The following EP300 variants were observed in gnomAD, a reference collection of about 807,000 sequenced individuals.
EP300 encodes the protein EP300 lysine acetyltransferase, also known as histone acetyltransferase p300.
In EP300, 31 loss-of-function variants were observed where a neutral mutation model predicts 264.0. The observed-to-expected ratio is 0.12, with a 90% confidence interval of 0.09 to 0.16. The LOEUF (loss-of-function observed/expected upper bound fraction) is 0.16. Ranked by LOEUF, EP300 falls within the 10% of genes least tolerant of loss-of-function variation. The pLI, the probability that EP300 is intolerant of heterozygous loss-of-function variation, is 1.00. For synonymous variants in EP300, 1,340 were observed against 1,045.4 expected, an observed-to-expected ratio of 1.28 and a Z score of -5.44; for missense variants, 2,766 against 3,052.9, an observed-to-expected ratio of 0.91 and a Z score of 2.21.
intron 25 of EP300, 157 bp from the exon 26 acceptor site, chr22:41,169,346 C>T (rs887103214): frequency 6.6e-5 from 43 of 653,718 alleles, no homozygotes; most frequent in Middle Eastern, 8.0e-4. Flanking sequence ...GAAGGGTTCA[C>T]GGCGGAGTCG....
In EP300 at chr22:41,178,887, C is replaced by T. The variant is rs2145524554; in HGVS notation, c.7176C>T (p.Asp2392=). ...ACCTCCATGGTGCAAGCGCCACGGA[C>T]CTGGGACTCAGCACCGATAACTCAG... ...MANLHGASAT[D]LGLSTDNSDL... is the part of the protein sequence containing the mutation. The change falls in exon 31 of 31, where the codon GAC becomes GAT. Residue 2392 remains aspartate (D), a synonymous_variant. Coordinates refer to ENST00000263253, the MANE Select transcript of EP300 (RefSeq NM_001429.4). 3 of 1,614,194 alleles carry T rather than the reference C, an allele frequency of 1.9e-6. No homozygotes were observed. The highest frequency in any genetic ancestry group is 2.2e-5 in the South Asian group (2 of 91,080).
At chr22:41,140,338 A>T in intron 9 of EP300, 81 bp downstream of exon 9, 5 of 943,532 alleles carry the variant, frequency 5.3e-6, no homozygotes, top group Non-Finnish European at 8.8e-6. Flanking sequence ...ATGTACAAGT[A>T]GTACATATGC....
Position 41,092,873 on chromosome 22 carries a change from C to A in EP300, c.-132C>A. The A allele has an allele frequency of 1.0e-6, 1 of 957,974 alleles. No individual in the cohort carries two copies. The highest frequency in any genetic ancestry group is 1.7e-6 in the Non-Finnish European group (1 of 587,588). The allele number at this position is 957,974 out of a possible 1,614,324, so 59.3% of individuals were successfully genotyped here. On this transcript the variant is annotated 5_prime_UTR_variant, in exon 1 of 31. Transcript: ENST00000263253. ...GCGACCCGGCGAAGAGAAAAAGGAA[C>A]TTCCCCCACCCCCTCGGGTGCCGTC...
intron 23 of EP300, among the ~76,000 whole-genome samples, chr22:41,167,826 GTTTTTTTTT>G (rs1192332279): frequency 0.13 from 4,200 of 32,310 alleles, 317 homozygotes; most frequent in Admixed American, 0.22. Context: ...TTTTTTTTTT[GTTTTTTTTT>G]TTTTTTTTTT....
At chr22:41,157,675 G>T (rs1393775530) in intron 18 of EP300, among the ~76,000 whole-genome samples, 1 of 151,506 alleles carries the variant, frequency 6.6e-6, no homozygotes, top group Non-Finnish European at 1.5e-5. Context: ...ACGCCACCAT[G>T]CCTGGCTGAT....
Position 41,177,813 on chromosome 22 carries a change from C to T in EP300, c.6102C>T (p.Gly2034=), listed in dbSNP as rs746579436. The T allele has an allele frequency of 2.2e-5, 35 of 1,613,938 alleles. No homozygotes were observed. Among genetic ancestry groups the T allele is most frequent in the Admixed American group, 6.7e-5 (4 of 59,992 alleles). The part of the protein sequence containing the change: ...PLNMAPQPGL[G]QVGISPLKPG... ...ACATGGCTCCACAACCAGGATTGGG[C>T]CAGGTAGGTATCAGCCCACTCAAAC... The change falls in exon 31 of 31, where the codon GGC becomes GGT. Residue 2034 remains glycine, a synonymous_variant. Transcript: ENST00000263253.
At position 41,141,241 on chromosome 22, in the gene EP300, A is replaced by G; in HGVS notation, c.2053+19A>G. 6.2e-7 allele frequency: 1 copy of G among 1,610,092 alleles called. No homozygotes were observed. The highest frequency in any genetic ancestry group is 1.1e-5 in the South Asian group (1 of 90,888). On this transcript the variant is annotated intron_variant, in intron 10 of 30. Transcript: ENST00000263253. ...ACTTCTAGTAAGTGGTTTTTGTTAT[A>G]TTTCTGTTTGAGAGAAATTGATAAT...
intron 6 of EP300, among the ~76,000 whole-genome samples, chr22:41,134,366 C>T (rs1046152144): frequency 6.6e-6 from 1 of 150,788 alleles, no homozygotes; most frequent in Admixed American, 6.6e-5. Context: ...TGGAAACGTA[C>T]GTGTGTGTGT....
At position 41,117,398 on chromosome 22, in the gene EP300, A is replaced by C; in HGVS notation, c.306A>C (p.Gln102His). The change falls in exon 2 of 31, where the codon CAA (glutamine) becomes CAC (histidine). Residue 102 changes from glutamine to histidine, a missense_variant. Coordinates refer to ENST00000263253, the MANE Select transcript of EP300 (RefSeq NM_001429.4). ...ATATGGGAGTTGGTGGCCCAGGTCA[A>C]GTCATGGCCAGCCAGGCCCAACAGA... ...NLNMGVGGPGQVMASQAQQSS... is the reference protein window; with the variant it reads ...NLNMGVGGPGHVMASQAQQSS... 1 of 1,614,212 alleles carries C rather than the reference A, an allele frequency of 6.2e-7. No individual in the cohort carries two copies. The highest frequency in any genetic ancestry group is 8.5e-7 in the Non-Finnish European group (1 of 1,180,030).
intron 19 of EP300, 112 bp from the exon 20 acceptor site, chr22:41,160,530 C>T (rs754807689): frequency 1.3e-5 from 12 of 893,458 alleles, no homozygotes; most frequent in Admixed American, 1.9e-5. Flanking sequence ...ATGACCTGCT[C>T]TCTGCTCCCG....
chr22:41,168,699 C>T (rs2145763226), intron 24 of EP300, 22 bp from the exon 25 acceptor site: 2 of 1,614,166 alleles, frequency 1.2e-6, no homozygotes, highest in East Asian at 2.2e-5. Flanking sequence ...GTTGTGGTTC[C>T]CCCACCATCT....
At chr22:41,127,874 G>A in intron 4 of EP300, 126 bp downstream of exon 4, 1 of 1,267,436 alleles carries the variant, frequency 7.9e-7, no homozygotes, top group Non-Finnish European at 1.1e-6. Flanking sequence ...GATGGTGTCT[G>A]TATGTACAAA....
chr22:41,162,866 G>T (rs2059115332), intron 21 of EP300, 87 bp downstream of exon 21: 3 of 1,127,636 alleles, frequency 2.7e-6, no homozygotes. Flanking sequence ...CCAATCAGAT[G>T]ATCCTATATT....
intron 1 of EP300, among the ~76,000 whole-genome samples, chr22:41,100,562 A>G (rs2058726126): frequency 2.6e-5 from 4 of 152,176 alleles, no homozygotes; most frequent in Admixed American, 2.6e-4. Context: ...GGGGAAAAAA[A>G]TCCATGGTTG....
intron 8 of EP300, among the ~76,000 whole-genome samples, chr22:41,138,835 T>C (rs571853504): frequency 1.3e-5 from 2 of 152,352 alleles, no homozygotes; most frequent in East Asian, 3.9e-4. Context: ...TATCATTTTG[T>C]CTTAATTTAT....
chr22:41,102,865 T>C (rs1442800347), intron 1 of EP300, among the ~76,000 whole-genome samples: 1 of 152,076 alleles, frequency 6.6e-6, no homozygotes, highest in African/African-American at 2.4e-5. Flanking sequence ...TATTATTTAT[T>C]TATTTATTTT....
At chr22:41,175,870 G>A (rs1244140063) in intron 29 of EP300, among the ~76,000 whole-genome samples, 1 of 152,214 alleles carries the variant, frequency 6.6e-6, no homozygotes, top group African/African-American at 2.4e-5. Context: ...AAGAGGTAAA[G>A]CAGGAAAAGG....
At chr22:41,099,462 G>A (rs2145674644) in intron 1 of EP300, among the ~76,000 whole-genome samples, 1 of 152,320 alleles carries the variant, frequency 6.6e-6, no homozygotes, top group South Asian at 2.1e-4. Context: ...ACACGTTTCT[G>A]TCCGTGTCTT....
intron 29 of EP300, among the ~76,000 whole-genome samples, chr22:41,175,001 A>C (rs1222360448): frequency 6.6e-6 from 1 of 152,076 alleles, no homozygotes; most frequent in African/African-American, 2.4e-5. Context: ...AATAATGGTA[A>C]TAACCATTAT....
Sources: gnomAD v4.1 joint callset for allele counts (sites outside exome capture counted in the v4.1 genomes callset) on GRCh38, gnomAD v4.1.1 for gene constraint, MANE v1.5 for transcripts, NCBI Gene and HGNC (gene_info 2026-07-23, HGNC 2026-07-21) for gene names.